The following GABBR2 variants were observed in gnomAD, a reference collection of about 807,000 sequenced individuals.
The protein encoded by GABBR2 is gamma-aminobutyric acid type B receptor subunit 2.
In GABBR2, 23 loss-of-function variants were observed where a neutral mutation model predicts 105.6. That is an observed-to-expected ratio of 0.22 (90% CI 0.16 to 0.31). The LOEUF (loss-of-function observed/expected upper bound fraction) is 0.31, where lower values mean the gene tolerates loss of function less well. GABBR2 is among the 10% of genes least tolerant of loss of function. The pLI, the probability that GABBR2 is intolerant of heterozygous loss-of-function variation, is 1.00. For synonymous variants in GABBR2, 478 were observed against 499.7 expected (o/e 0.96, Z 0.58); for missense variants, 734 against 1,245.5 (o/e 0.59, Z 6.18).
At chr9:98,651,824 T>G (rs1481269236) in intron 1 of GABBR2, among the ~76,000 whole-genome samples, 2 of 152,220 alleles carry the variant, frequency 1.3e-5, no homozygotes, top group Admixed American at 1.3e-4. Flanking sequence ...CTTATGACAT[T>G]TATTAGACAA....
intron 14 of GABBR2, among the ~76,000 whole-genome samples, chr9:98,310,019 C>T (rs1830611265): frequency 6.6e-6 from 1 of 152,102 alleles, no homozygotes; most frequent in South Asian, 2.1e-4. Context: ...CATTTTTGGC[C>T]TCTAAGTGGG....
intron 1 of GABBR2, among the ~76,000 whole-genome samples, chr9:98,693,535 G>A (rs1830711966): frequency 1.3e-5 from 2 of 152,212 alleles, no homozygotes; most frequent in East Asian, 1.9e-4. Flanking sequence ...CCCAGAGGCT[G>A]GGAGTCACTC....
intron 17 of GABBR2, among the ~76,000 whole-genome samples, chr9:98,297,797 G>A (rs761452667): frequency 6.5e-4 from 98 of 150,722 alleles, no homozygotes; most frequent in Non-Finnish European, 9.3e-4. Flanking sequence ...TGAGGCAGGC[G>A]AATCACTTGA....
chr9:98,527,301 T>C (rs1827980349), intron 3 of GABBR2, among the ~76,000 whole-genome samples: 1 of 151,718 alleles, frequency 6.6e-6, no homozygotes, highest in Non-Finnish European at 1.5e-5. Flanking sequence ...AGTAGCTGAG[T>C]TGGAATTAGA....
At chr9:98,418,851 A>G (rs1404088709) in intron 7 of GABBR2, among the ~76,000 whole-genome samples, 1 of 152,188 alleles carries the variant, frequency 6.6e-6, no homozygotes, top group Non-Finnish European at 1.5e-5. Flanking sequence ...ATGCATCACC[A>G]AGCCTCTGCC....
Position 98,349,349 on chromosome 9 carries a change from G to GTT in GABBR2, c.1893+13364_1893+13365dup, listed in dbSNP as rs1182072320. Among the ~76,000 whole-genome samples the GTT allele has an allele frequency of 3.1e-3, 75 of 24,226 alleles. 3 individuals are homozygous for GTT. The highest frequency in any genetic ancestry group is 4.3e-3 in the Non-Finnish European group (53 of 12,348). The allele number at this position is 24,226 out of a possible 152,430, so 15.9% of individuals were successfully genotyped here. On this transcript the variant is annotated intron_variant, in intron 13 of 18. Transcript: ENST00000259455. ...TTTGCCAATATTTTGTTGAAGTTTTGTTTTTTTTTTTTTTTTTTTTTTTTT... is the reference window on the plus strand; with the variant it reads ...TTTGCCAATATTTTGTTGAAGTTTTGTTTTTTTTTTTTTTTTTTTTTTTTTTT...
At chr9:98,604,749 C>T (rs149780789) in intron 1 of GABBR2, among the ~76,000 whole-genome samples, 1 of 152,308 alleles carries the variant, frequency 6.6e-6, no homozygotes, top group Non-Finnish European at 1.5e-5. Context: ...ACATTTTCCC[C>T]TTGATAGTCA....
chr9:98,708,532 G>T lies in GABBR2; in HGVS notation c.206C>A (p.Ala69Asp). The change falls in exon 1 of 19, where the codon GCC (alanine) becomes GAC (aspartate). Residue 69 changes from alanine to aspartate, a missense_variant. By Grantham distance (126) the Ala-to-Asp change is moderately radical. Around this residue, in one of 7 missense-constraint regions of GABBR2, gnomAD observed 370 missense variants for 648.9 expected, o/e 0.57. Coordinates refer to ENST00000259455, the MANE Select transcript of GABBR2 (RefSeq NM_005458.8). ...CACACCGCGCCCGATGCTGCCCTTG[G>T]CCACCTCCTTGGTGAGCGGCATGAG... is the stretch of plus-strand genomic sequence containing the variant. ...MGLMPLTKEV[A>D]KGSIGRGVLP... 1 of 1,597,240 alleles carries T rather than the reference G, an allele frequency of 6.3e-7. No homozygotes were observed. The highest frequency in any genetic ancestry group is 8.5e-7 in the Non-Finnish European group (1 of 1,175,272).
chr9:98,412,194 T>C (rs2131540383), intron 7 of GABBR2, among the ~76,000 whole-genome samples: 1 of 152,366 alleles, frequency 6.6e-6, no homozygotes, highest in East Asian at 1.9e-4. Context: ...GGAGCTTTCA[T>C]GCTTCAGCCA....
intron 1 of GABBR2, among the ~76,000 whole-genome samples, chr9:98,655,287 G>T (rs557676410): frequency 6.6e-6 from 1 of 152,098 alleles, no homozygotes; most frequent in Non-Finnish European, 1.5e-5. Flanking sequence ...GGGGGATGTC[G>T]ATAATGGGGG....
chr9:98,322,339 C>T (rs1830838584), intron 13 of GABBR2, among the ~76,000 whole-genome samples: 1 of 152,158 alleles, frequency 6.6e-6, no homozygotes, highest in African/African-American at 2.4e-5. Flanking sequence ...CCCACCCTGG[C>T]TCCAACATCC....
intron 3 of GABBR2, among the ~76,000 whole-genome samples, chr9:98,518,968 C>T (rs2131708918): frequency 6.6e-6 from 1 of 152,310 alleles, no homozygotes; most frequent in East Asian, 1.9e-4. Flanking sequence ...TGAAACTGTG[C>T]TAAACTAAGC....
intron 1 of GABBR2, among the ~76,000 whole-genome samples, chr9:98,697,865 G>A (rs1436924164): frequency 6.6e-6 from 1 of 152,184 alleles, no homozygotes; most frequent in East Asian, 1.9e-4. Context: ...GCATTCGCAT[G>A]GGCTCTGGTC....
At chr9:98,445,329 T>A (rs1826107294) in intron 7 of GABBR2, among the ~76,000 whole-genome samples, 1 of 151,840 alleles carries the variant, frequency 6.6e-6, no homozygotes, top group Non-Finnish European at 1.5e-5. Flanking sequence ...GGGAGAAGAG[T>A]CCAGAACCCT....
chr9:98,476,608 T>C (rs573554919), intron 5 of GABBR2, among the ~76,000 whole-genome samples: 4 of 152,324 alleles, frequency 2.6e-5, no homozygotes, highest in African/African-American at 9.6e-5. Flanking sequence ...CCCTTCTCAT[T>C]CTCTTCTCCT....
intron 13 of GABBR2, among the ~76,000 whole-genome samples, chr9:98,344,873 T>C (rs1831277707): frequency 6.6e-6 from 1 of 152,112 alleles, no homozygotes; most frequent in South Asian, 2.1e-4. Flanking sequence ...GACAAACTAC[T>C]CTTTTGTCCA....
intron 13 of GABBR2, among the ~76,000 whole-genome samples, chr9:98,315,910 C>G (rs1275550130): frequency 1.3e-5 from 2 of 152,222 alleles, no homozygotes; most frequent in African/African-American, 4.8e-5. Flanking sequence ...GGGACTCCCC[C>G]ACTTCTGGAG....
At chr9:98,530,342 T>G (rs2131725616) in intron 3 of GABBR2, among the ~76,000 whole-genome samples, 1 of 152,322 alleles carries the variant, frequency 6.6e-6, no homozygotes, top group Admixed American at 6.5e-5. Flanking sequence ...GTACAGGGAC[T>G]TGGGGGGATA....
At chr9:98,694,961 G>C (rs1451254827) in intron 1 of GABBR2, among the ~76,000 whole-genome samples, 1 of 152,188 alleles carries the variant, frequency 6.6e-6, no homozygotes, top group Non-Finnish European at 1.5e-5. Context: ...TGTCTCTGGA[G>C]CCTAAAAGGA....
Sources: allele counts gnomAD v4.1 joint callset (sites outside exome capture counted in the v4.1 genomes callset), GRCh38; gene constraint gnomAD v4.1.1; regional missense constraint gnomAD v4.1.1; transcripts MANE v1.5; gene names NCBI Gene and HGNC (gene_info 2026-07-23, HGNC 2026-07-21).